The following GUCY1A1 variants were observed in gnomAD, a reference collection of about 807,000 sequenced individuals.
GUCY1A1 encodes the protein guanylate cyclase soluble subunit alpha-1.
GUCY1A1 carries 48 observed loss-of-function variants against 64.5 expected under a neutral mutation model. The observed-to-expected ratio is 0.74, with a 90% CI of 0.59 to 0.95. The LOEUF (loss-of-function observed/expected upper bound fraction) is 0.95, where lower values mean the gene tolerates loss of function less well. Among genes scored for constraint, GUCY1A1 ranks in the 40% least tolerant of loss-of-function variants. The pLI, the probability that GUCY1A1 is intolerant of heterozygous loss-of-function variation, is 0.00. For missense variants in GUCY1A1, 804 were observed against 825.3 expected, an observed-to-expected ratio of 0.97 and a Z score of 0.32; for synonymous variants, 308 against 303.4, an observed-to-expected ratio of 1.02 and a Z score of -0.16.
At chr4:155,715,175 C>CTT (rs59984586) in intron 7 of GUCY1A1, among the ~76,000 whole-genome samples, 2 of 151,544 alleles carry the variant, frequency 1.3e-5, no homozygotes, top group South Asian at 2.1e-4. Context: ...CTCATTTCTA[C>CTT]TTTTTTTTCA....
chr4:155,670,937 C>G (rs115569150), intron 2 of GUCY1A1, among the ~76,000 whole-genome samples: 1 of 152,128 alleles, frequency 6.6e-6, no homozygotes, highest in East Asian at 1.9e-4. Flanking sequence ...TTAATCCTGA[C>G]CTTTTTTTCT....
At chr4:155,720,425 C>A (rs1329876668) in intron 8 of GUCY1A1, among the ~76,000 whole-genome samples, 2 of 151,890 alleles carry the variant, frequency 1.3e-5, no homozygotes, top group East Asian at 3.9e-4. Flanking sequence ...GAGACAAAGC[C>A]AGATATATAA....
chr4:155,718,887 T>C (rs1336498383), intron 8 of GUCY1A1, among the ~76,000 whole-genome samples: 4 of 152,164 alleles, frequency 2.6e-5, no homozygotes, highest in Non-Finnish European at 5.9e-5. Flanking sequence ...TTTGCAAGTA[T>C]GTTTTAAAAG....
At chr4:155,672,640 C>T (rs1477045384) in intron 2 of GUCY1A1, among the ~76,000 whole-genome samples, 3 of 152,160 alleles carry the variant, frequency 2.0e-5, no homozygotes, top group Non-Finnish European at 4.4e-5. Context: ...GATAACAGCA[C>T]TTCACATTTT....
In GUCY1A1 at chr4:155,732,383, T is replaced by G. The variant is rs576283303; in HGVS notation, c.*2152T>G. 2 of 152,818 alleles carry G rather than the reference T, an allele frequency of 1.3e-5. No individual in the cohort carries two copies. Among genetic ancestry groups the G allele is most frequent in the Admixed American group, 1.3e-4 (2 of 15,228 alleles). 9.5% of individuals were successfully genotyped at this position (152,818 alleles called of 1,614,324 possible). A position where few individuals can be genotyped will look rare whatever the true frequency, so the allele number is the denominator to read the frequency against. On this transcript the variant is annotated 3_prime_UTR_variant, in exon 10 of 10. Transcript: ENST00000506455. Reference sequence around the variant, plus strand: ...GTGAAGTTAAATCATCTGTGATAGGTTCCCCAGACCAGCCTACAAAGGCCC... The same window carrying G: ...GTGAAGTTAAATCATCTGTGATAGGGTCCCCAGACCAGCCTACAAAGGCCC...
intron 3 of GUCY1A1, among the ~76,000 whole-genome samples, chr4:155,701,398 T>A (rs1172000900): frequency 6.6e-6 from 1 of 151,980 alleles, no homozygotes; most frequent in East Asian, 1.9e-4. Context: ...GGACCATTTC[T>A]CCTCCCCTCT....
chr4:155,723,662 T>A (rs866448291), intron 9 of GUCY1A1, among the ~76,000 whole-genome samples: 1 of 109,050 alleles, frequency 9.2e-6, no homozygotes. Context: ...ATTTATTTAT[T>A]TATTTATTTA....
chr4:155,708,241 C>A lies in GUCY1A1; in HGVS notation c.323C>A (p.Ser108Tyr), dbSNP rs748616374. The change falls in exon 5 of 10, where the codon TCT (serine) becomes TAT (tyrosine). Residue 108 changes from serine (S) to tyrosine (Y), a missense_variant. Coordinates refer to ENST00000506455, the MANE Select transcript of GUCY1A1 (RefSeq NM_001130682.3). ...AAATATTGAAATATTTCCAGGAAAT[C>A]TTTGGAAAGAGAAGACTTTGAAAAA... Reference protein sequence around the residue: ...AKHKIKESRKSLEREDFEKTI... With the variant: ...AKHKIKESRKYLEREDFEKTI... The A allele has an allele frequency of 2.1e-6, 3 of 1,461,960 alleles. No homozygotes were observed. Among genetic ancestry groups the A allele is most frequent in the South Asian group, 1.1e-5 (1 of 87,266 alleles). 90.6% of individuals were successfully genotyped at this position (1,461,960 alleles called of 1,614,324 possible). A position where few individuals can be genotyped will look rare whatever the true frequency, so the allele number is the denominator to read the frequency against.
rs190319685 is a variant in GUCY1A1 at position 155,670,634 on chromosome 4, A to G, written c.-113+3215A>G. On this transcript the variant is annotated intron_variant, in intron 2 of 9. Coordinates refer to ENST00000506455, the MANE Select transcript of GUCY1A1 (RefSeq NM_001130682.3). The stretch of plus-strand genomic sequence containing the variant: ...GGCTTCCCTCTCAGCCCACAGTAGG[A>G]GAGAATGGCTACATCTTAAAACTTG... Among the ~76,000 whole-genome samples, 408 of 152,302 alleles carry G rather than the reference A, an allele frequency of 2.7e-3. 1 individual carries two copies. The highest frequency in any genetic ancestry group is 9.5e-3 in the African/African-American group (395 of 41,568).
At chr4:155,703,507 A>T (rs942517005) in intron 3 of GUCY1A1, among the ~76,000 whole-genome samples, 1 of 152,198 alleles carries the variant, frequency 6.6e-6, no homozygotes, top group Non-Finnish European at 1.5e-5. Context: ...GGCTTGGTCC[A>T]TGCTGAGATT....
intron 2 of GUCY1A1, among the ~76,000 whole-genome samples, chr4:155,679,136 T>G (rs6829447): frequency 0.41 from 62,125 of 151,766 alleles, 14,142 homozygotes; most frequent in East Asian, 0.79. Flanking sequence ...CAAAGTATTT[T>G]TTTTATTTTG....
chr4:155,714,297 CATT>C (rs1241479488), intron 7 of GUCY1A1, among the ~76,000 whole-genome samples: 1 of 152,176 alleles, frequency 6.6e-6, no homozygotes, highest in Non-Finnish European at 1.5e-5. Flanking sequence ...GAATAACACA[CATT>C]ATCTCCCATA....
chr4:155,686,116 G>T (rs1302565688), intron 2 of GUCY1A1, among the ~76,000 whole-genome samples: 1 of 152,152 alleles, frequency 6.6e-6, no homozygotes, highest in Non-Finnish European at 1.5e-5. Context: ...GCCAATTAGT[G>T]TCTCACCTCT....
Position 155,734,239 on chromosome 4 carries a change from CCT to C in GUCY1A1, c.*4011_*4012del, listed in dbSNP as rs1560981259. 6.6e-6 allele frequency among the ~76,000 whole-genome samples: 1 copy of C among 151,816 alleles called. No homozygotes were observed. ...TAGTGCCTGAGGAATAGACATCAGTCCTCTGAGATTACCCAGCTGGAAAACTG... is the reference window on the plus strand; with the variant it reads ...TAGTGCCTGAGGAATAGACATCAGTCCTGAGATTACCCAGCTGGAAAACTG... On this transcript the variant is annotated 3_prime_UTR_variant, in exon 10 of 10. Coordinates refer to ENST00000506455, the MANE Select transcript of GUCY1A1 (RefSeq NM_001130682.3).
intron 2 of GUCY1A1, among the ~76,000 whole-genome samples, chr4:155,674,904 A>G (rs1453709325): frequency 6.6e-6 from 1 of 151,618 alleles, no homozygotes; most frequent in Non-Finnish European, 1.5e-5. Flanking sequence ...ACCGTAGGTA[A>G]TTGTATGTAC....
chr4:155,730,114 A>G lies in GUCY1A1; in HGVS notation c.1956A>G (p.Gly652=), dbSNP rs1214418914. Residue 652 remains glycine, a synonymous_variant, in exon 10 of 10, where the codon GGA becomes GGG. Transcript: ENST00000506455. The part of the protein sequence containing the change: ...LPPNFPSEIP[G]ICHFLDAYQQ... Reference sequence around the variant, plus strand: ...CAAACTTCCCTAGTGAAATCCCCGGAATCTGCCATTTTCTGGATGCTTACC... The same window carrying G: ...CAAACTTCCCTAGTGAAATCCCCGGGATCTGCCATTTTCTGGATGCTTACC... 5.0e-6 allele frequency: 8 copies of G among 1,611,330 alleles called. No homozygotes were observed. The highest frequency in any genetic ancestry group is 1.7e-4 in the Middle Eastern group (1 of 6,044).
At chr4:155,694,392 A>G (rs562551227) in intron 2 of GUCY1A1, among the ~76,000 whole-genome samples, 24 of 152,220 alleles carry the variant, frequency 1.6e-4, no homozygotes, top group African/African-American at 5.8e-4. Flanking sequence ...ATAATAATGA[A>G]AAAAACTCTC....
At chr4:155,722,857 A>G (rs1468723992) in intron 9 of GUCY1A1, among the ~76,000 whole-genome samples, 3 of 152,136 alleles carry the variant, frequency 2.0e-5, no homozygotes, top group Non-Finnish European at 2.9e-5. Flanking sequence ...ATCTCCCTCC[A>G]GCCACCTCAG....
Position 155,735,610 on chromosome 4 carries a change from T to A in GUCY1A1, c.*5379T>A, listed in dbSNP as rs1735976873. Reference sequence around the variant, plus strand: ...CTTCCAGATTGTGAGGAAAATTACTTGGCTGAAAATGACTTTGCATAATGC... The same window carrying A: ...CTTCCAGATTGTGAGGAAAATTACTAGGCTGAAAATGACTTTGCATAATGC... On this transcript the variant is annotated 3_prime_UTR_variant, in exon 10 of 10. Coordinates refer to ENST00000506455, the MANE Select transcript of GUCY1A1 (RefSeq NM_001130682.3). 6.6e-6 allele frequency: 1 copy of A among 151,998 alleles called. No individual in the cohort carries two copies. The highest frequency in any genetic ancestry group is 2.1e-4 in the South Asian group (1 of 4,832). 9.4% of individuals were successfully genotyped at this position (151,998 alleles called of 1,614,324 possible).
Sources: gnomAD v4.1 joint callset for allele counts (sites outside exome capture counted in the v4.1 genomes callset) on GRCh38, gnomAD v4.1.1 for gene constraint, MANE v1.5 for transcripts, NCBI Gene and HGNC (gene_info 2026-07-23, HGNC 2026-07-21) for gene names.